Variants in FGD5 observed in about 807,000 individuals in gnomAD.
The protein encoded by FGD5 is FYVE, RhoGEF and PH domain-containing protein 5.
FGD5 carries 28 observed loss-of-function variants against 133.4 expected under a neutral mutation model. That is an observed-to-expected ratio of 0.21 (90% confidence interval 0.16 to 0.29). The LOEUF is 0.29. Among genes scored for constraint, FGD5 ranks in the 10% least tolerant of loss-of-function variants. The probability of loss-of-function intolerance (pLI) is 1.00; values close to 1 mark genes in which losing one functional copy is unlikely to be tolerated. For synonymous variants in FGD5, 810 were observed against 776.5 expected, an observed-to-expected ratio of 1.04 and a Z score of -0.72; for missense variants, 1,858 against 1,895.2, an observed-to-expected ratio of 0.98 and a Z score of 0.36.
intron 11 of FGD5, among the ~76,000 whole-genome samples, chr3:14,916,635 C>A (rs935560711): frequency 1.6e-4 from 24 of 152,320 alleles, no homozygotes; most frequent in Non-Finnish European, 3.2e-4. Context: ...CACAGTGTAA[C>A]CACCACCTGG....
intron 11 of FGD5, 79 bp downstream of exon 11, chr3:14,911,008 G>C (rs1158589857): frequency 3.0e-6 from 4 of 1,352,270 alleles, no homozygotes; most frequent in Non-Finnish European, 3.1e-6. Context: ...TCAAGGACAA[G>C]TGGAATAGGG....
In FGD5 at chr3:14,915,870, G is replaced by A. The variant is rs114259347; in HGVS notation, c.3406-1379G>A. Among the ~76,000 whole-genome samples the A allele has an allele frequency of 6.3e-3, 868 of 138,630 alleles. 43 individuals carry two copies. Among genetic ancestry groups the A allele is most frequent in the Non-Finnish European group, 9.6e-3 (576 of 60,000 alleles). The allele number at this position is 138,630 out of a possible 152,430, so 90.9% of individuals were successfully genotyped here. The stretch of plus-strand genomic sequence containing the variant: ...AGGGTTCACCCTGGCTGATGTTGGC[G>A]TCATTTGTACAGGGCTCACCCTGGT... On this transcript the variant is annotated intron_variant, in intron 11 of 19. Transcript: ENST00000285046.
intron 7 of FGD5, 70 bp from the exon 8 acceptor site, chr3:14,900,333 T>A (rs2038214290): frequency 6.7e-7 from 1 of 1,494,280 alleles, no homozygotes; most frequent in Non-Finnish European, 9.2e-7. Flanking sequence ...AGAGAGGGGG[T>A]GGCCACAGTT....
rs200148865 is a variant in FGD5 at position 14,820,720 on chromosome 3, C to G, written c.1649C>G (p.Ser550Trp). 6 of 1,601,930 alleles carry G rather than the reference C, an allele frequency of 3.7e-6. No homozygotes were observed. Among genetic ancestry groups the G allele is most frequent in the Non-Finnish European group, 5.1e-6 (6 of 1,175,360 alleles). Residue 550 changes from serine (S) to tryptophan (W), a missense_variant, in exon 1 of 20, where the codon TCG (serine) becomes TGG (tryptophan). Ser to Trp is a radical substitution (Grantham distance 177, BLOSUM62 -3). Around this residue, in one of 3 missense-constraint regions of FGD5, gnomAD observed 1,824 missense variants for 1,848.9 expected, o/e 0.99. Coordinates refer to ENST00000285046, the MANE Select transcript of FGD5 (RefSeq NM_152536.4). ...KPRAFTLYPR[S>W]FSVEGREIPV... Reference sequence around the variant, plus strand: ...AGGGCCTTTACTTTATACCCTCGGTCGTTCTCCGTGGAAGGCCGAGAGATT... The same window carrying G: ...AGGGCCTTTACTTTATACCCTCGGTGGTTCTCCGTGGAAGGCCGAGAGATT...
At chr3:14,835,571 C>G (rs2036802390) in intron 1 of FGD5, among the ~76,000 whole-genome samples, 1 of 152,086 alleles carries the variant, frequency 6.6e-6, no homozygotes, top group South Asian at 2.1e-4. Flanking sequence ...GTCGTGAAAC[C>G]TTAACGTAGC....
At position 14,831,217 on chromosome 3, in the gene FGD5, G is replaced by A. The variant is rs1411402397; in HGVS notation, c.2525+9621G>A. Among the ~76,000 whole-genome samples, 4 of 152,286 alleles carry A rather than the reference G, an allele frequency of 2.6e-5. No homozygotes were observed. In the East Asian group the frequency reaches 5.8e-4, roughly 22 times the overall value. ...GGAGTGCAGAAGGCGATGGGAAGTCGGGTAGGCAGGGACCTTGTGAAAGAT... is the reference window on the plus strand; with the variant it reads ...GGAGTGCAGAAGGCGATGGGAAGTCAGGTAGGCAGGGACCTTGTGAAAGAT... On this transcript the variant is annotated intron_variant, in intron 1 of 19. Coordinates refer to ENST00000285046, the MANE Select transcript of FGD5 (RefSeq NM_152536.4).
At chr3:14,908,512 C>T (rs1257219309) in intron 10 of FGD5, among the ~76,000 whole-genome samples, 1 of 151,070 alleles carries the variant, frequency 6.6e-6, no homozygotes, top group Non-Finnish European at 1.5e-5. Context: ...GTTGAAATCC[C>T]AAAAGATCAA....
chr3:14,907,682 G>A lies in FGD5; in HGVS notation c.3307G>A (p.Gly1103Ser). Residue 1103 changes from glycine (G) to serine (S), a missense_variant, in exon 10 of 20, where the codon GGC (glycine) becomes AGC (serine). By Grantham distance (56) the Gly-to-Ser change is moderately conservative. This residue lies in a region of FGD5 where 1,824 missense variants were observed against 1,848.9 expected (regional missense o/e 0.99). Coordinates refer to ENST00000285046, the MANE Select transcript of FGD5 (RefSeq NM_152536.4). Reference sequence around the variant, plus strand: ...GGTCCACATTGAGCACAGCGTCCGGGGCCAAGGGGATCTCCTCCAGCCAGG... The same window carrying A: ...GGTCCACATTGAGCACAGCGTCCGGAGCCAAGGGGATCTCCTCCAGCCAGG... ...KLVHIEHSVR[G>S]QGDLLQPGRE... 1 of 1,613,754 alleles carries A rather than the reference G, an allele frequency of 6.2e-7. No individual in the cohort carries two copies. The highest frequency in any genetic ancestry group is 8.5e-7 in the Non-Finnish European group (1 of 1,179,734).
At chr3:14,830,584 C>A (rs1322269756) in intron 1 of FGD5, among the ~76,000 whole-genome samples, 2 of 152,162 alleles carry the variant, frequency 1.3e-5, no homozygotes, top group Admixed American at 1.3e-4. Context: ...ATAATTCTCG[C>A]TAATAGAAGA....
chr3:14,925,592 A>C (rs2038786858), intron 17 of FGD5, among the ~76,000 whole-genome samples: 1 of 152,138 alleles, frequency 6.6e-6, no homozygotes, highest in African/African-American at 2.4e-5. Flanking sequence ...ACCCCCCGCC[A>C]CCACAAAGAG....
At chr3:14,837,929 T>C (rs1374019056) in intron 1 of FGD5, among the ~76,000 whole-genome samples, 1 of 152,214 alleles carries the variant, frequency 6.6e-6, no homozygotes, top group Non-Finnish European at 1.5e-5. Context: ...CAATTTGCCA[T>C]AAATTTAGTG....
At chr3:14,893,785 C>T (rs1211980506) in intron 4 of FGD5, among the ~76,000 whole-genome samples, 6 of 111,100 alleles carry the variant, frequency 5.4e-5, no homozygotes, top group Admixed American at 1.2e-4. Context: ...GACAGAGTCT[C>T]TCTCTGTTGC....
intron 1 of FGD5, among the ~76,000 whole-genome samples, chr3:14,843,686 CTTT>C (rs71919787): frequency 2.1e-5 from 1 of 48,248 alleles, no homozygotes; most frequent in African/African-American, 8.4e-5. Context: ...CCCCAGGGTG[CTTT>C]TTTTTTTTTT....
At chr3:14,837,827 C>T (rs1559474597) in intron 1 of FGD5, among the ~76,000 whole-genome samples, 1 of 152,120 alleles carries the variant, frequency 6.6e-6, no homozygotes, top group Non-Finnish European at 1.5e-5. Flanking sequence ...TTCGGGGCCT[C>T]GGTTTCCCCA....
At chr3:14,854,300 C>A (rs1318008214) in intron 1 of FGD5, among the ~76,000 whole-genome samples, 1 of 152,140 alleles carries the variant, frequency 6.6e-6, no homozygotes, top group Non-Finnish European at 1.5e-5. Flanking sequence ...CCATAGTACT[C>A]CTGTAATGAC....
At chr3:14,909,063 G>A (rs568765764) in intron 10 of FGD5, among the ~76,000 whole-genome samples, 2 of 151,564 alleles carry the variant, frequency 1.3e-5, no homozygotes, top group East Asian at 2.0e-4. Flanking sequence ...CCGCCTCCCC[G>A]GTTCAAGCAA....
intron 1 of FGD5, among the ~76,000 whole-genome samples, chr3:14,850,435 T>C (rs2037137177): frequency 6.6e-6 from 1 of 152,194 alleles, no homozygotes; most frequent in African/African-American, 2.4e-5. Context: ...CTGGCCACAG[T>C]GTTCTCAGCA....
chr3:14,840,979 A>G (rs1275825375), intron 1 of FGD5, among the ~76,000 whole-genome samples: 4 of 152,240 alleles, frequency 2.6e-5, no homozygotes, highest in Non-Finnish European at 5.9e-5. Context: ...ACACAGCAGT[A>G]GCAGGTGACT....
rs760869572 is a variant in FGD5 at position 14,922,682 on chromosome 3, C to T, written c.3807+134C>T. The T allele has an allele frequency of 4.4e-5, 54 of 1,240,394 alleles. No individual in the cohort carries two copies. The highest frequency in any genetic ancestry group is 5.4e-5 in the Non-Finnish European group (49 of 907,972). 76.8% of individuals were successfully genotyped at this position (1,240,394 alleles called of 1,614,324 possible). A position where few individuals can be genotyped will look rare whatever the true frequency, so the allele number is the denominator to read the frequency against. ...AGAGTGAGGCATGTTCACACCAACC[C>T]GAGAGGAACAGATTGCTAATTCCCA... On this transcript the variant is annotated intron_variant, in intron 15 of 19. Transcript: ENST00000285046. The surrounding 1 kb of genome is among the most constrained non-coding windows in gnomAD (Gnocchi z 4.1).
Sources: gnomAD v4.1 joint callset for allele counts (sites outside exome capture counted in the v4.1 genomes callset) on GRCh38, gnomAD v4.1.1 for gene constraint, gnomAD v4.1.1 regional missense constraint, Gnocchi (gnomAD v3.1) non-coding constraint, MANE v1.5 for transcripts, NCBI Gene and HGNC (gene_info 2026-07-23, HGNC 2026-07-21) for gene names.